The following UTP4 variants were observed in gnomAD, a reference collection of about 807,000 sequenced individuals.
UTP4 encodes U3 small nucleolar RNA-associated protein 4 homolog.
In UTP4, 45 loss-of-function variants were observed where a neutral mutation model predicts 82.4. The ratio of observed to expected loss-of-function variants is 0.55; its 90% CI spans 0.43 to 0.70. The LOEUF (loss-of-function observed/expected upper bound fraction) is 0.70, where lower values mean the gene tolerates loss of function less well. Among genes scored for constraint, UTP4 ranks in the 30% least tolerant of loss-of-function variants. The pLI, the probability that UTP4 is intolerant of heterozygous loss-of-function variation, is 0.00. For synonymous variants in UTP4, 348 were observed against 300.3 expected, an observed-to-expected ratio of 1.16 and a Z score of -1.64; for missense variants, 819 against 858.3, an observed-to-expected ratio of 0.95 and a Z score of 0.57.
chr16:69,157,289 T>C (rs2152282249), intron 12 of UTP4, 49 bp downstream of exon 12: 1 of 1,602,072 alleles, frequency 6.2e-7, no homozygotes, highest in Non-Finnish European at 8.5e-7. Context: ...GTCTAAGATG[T>C]AACTTTTTTG....
At chr16:69,165,788 C>T (rs1425691970) in intron 15 of UTP4, 16 of 580,600 alleles carry the variant, frequency 2.8e-5, no homozygotes, top group Non-Finnish European at 4.9e-5. Flanking sequence ...TATTTGTCTA[C>T]TTTGCGAGTA....
chr16:69,149,269 A>G (rs1382691834), intron 6 of UTP4, among the ~76,000 whole-genome samples: 1 of 151,994 alleles, frequency 6.6e-6, no homozygotes, highest in Non-Finnish European at 1.5e-5. Flanking sequence ...AATCCCAGCT[A>G]CTCAGGAGGC....
intron 2 of UTP4, 31 bp from the exon 3 acceptor site, chr16:69,136,665 G>A (rs3815821): frequency 0.061 from 97,749 of 1,611,490 alleles, 3,585 homozygotes; most frequent in African/African-American, 0.15. Context: ...TGAATTTGTG[G>A]TAATGTTGAG....
chr16:69,150,330 G>A (rs903614824), intron 6 of UTP4, among the ~76,000 whole-genome samples: 1 of 152,126 alleles, frequency 6.6e-6, no homozygotes, highest in African/African-American at 2.4e-5. Context: ...CGTTAATTTT[G>A]TCAGTAGGGG....
chr16:69,160,056 A>AT (rs1244798679), intron 12 of UTP4, among the ~76,000 whole-genome samples: 2 of 152,140 alleles, frequency 1.3e-5, no homozygotes, highest in Non-Finnish European at 2.9e-5. Flanking sequence ...TAAAGTATAT[A>AT]TTTTAGTGGC....
intron 13 of UTP4, 117 bp downstream of exon 13, chr16:69,160,579 T>C: frequency 2.7e-6 from 2 of 740,980 alleles, no homozygotes; most frequent in South Asian, 3.2e-5. Flanking sequence ...ACTTTTTTCT[T>C]TTTATTTTCT....
chr16:69,150,552 G>C lies in UTP4; in HGVS notation c.754G>C (p.Val252Leu). The C allele has an allele frequency of 6.2e-7, 1 of 1,614,194 alleles. No homozygotes were observed. The highest frequency in any genetic ancestry group is 8.5e-7 in the Non-Finnish European group (1 of 1,180,046). Residue 252 changes from valine to leucine, a missense_variant, in exon 7 of 17, where the codon GTG becomes CTG. Val to Leu is a conservative substitution (Grantham distance 32). Transcript: ENST00000314423. ...IAVADQEDSF[V>L]VGTAEGTVFH... ...AATTCCTCAGCAAGAAGACAGTTTC[G>C]TGGTGGGCACAGCCGAGGGAACAGT...
intron 13 of UTP4, among the ~76,000 whole-genome samples, chr16:69,161,789 G>A (rs1045398705): frequency 5.3e-5 from 8 of 152,116 alleles, no homozygotes; most frequent in Admixed American, 2.6e-4. Flanking sequence ...TCAGTGTCCT[G>A]AGTAGCTGGG....
chr16:69,141,102 T>G (rs973719131), intron 5 of UTP4, among the ~76,000 whole-genome samples: 3 of 152,338 alleles, frequency 2.0e-5, no homozygotes, highest in Admixed American at 6.5e-5. Flanking sequence ...ATAAATTAGG[T>G]TCAAGTCCAT....
intron 4 of UTP4, chr16:69,138,168 G>A: frequency 2.3e-6 from 1 of 428,784 alleles, no homozygotes; most frequent in Non-Finnish European, 4.2e-6. Context: ...CTTTTGTGAT[G>A]TTTTAACAAG....
intron 14 of UTP4, among the ~76,000 whole-genome samples, chr16:69,164,740 A>G (rs1963657822): frequency 6.6e-6 from 1 of 151,836 alleles, no homozygotes; most frequent in Non-Finnish European, 1.5e-5. Flanking sequence ...AGCAGAGTGG[A>G]TAAGTAAATC....
rs35834911 is a variant in UTP4, at chr16:69,151,625, CTT to C, written c.1002+734_1002+735del. 5.5e-3 allele frequency among the ~76,000 whole-genome samples: 804 copies of C among 145,202 alleles called. 4 individuals carry two copies. Among genetic ancestry groups the C allele is most frequent in the African/African-American group, 0.018 (731 of 39,826 alleles). ...GTGAGCCACTGTGCCCAGCCCCTGC[CTT>C]TTTTTTTTTTTTAACCATCTGGGAC... On this transcript the variant is annotated intron_variant, in intron 8 of 16. Transcript: ENST00000314423.
chr16:69,155,883 A>G lies in UTP4; in HGVS notation c.1177A>G (p.Ile393Val). The change falls in exon 11 of 17, where the codon ATT (isoleucine) becomes GTT (valine). Residue 393 changes from isoleucine to valine, a missense_variant. Coordinates refer to ENST00000314423, the MANE Select transcript of UTP4 (RefSeq NM_032830.3). ...CTGATATTGCCAGGGTCCTGAGAAC[A>G]TTATCTGTAGCTGTATCTCCCCATG... ...LHLKTKGPEN[I>V]ICSCISPCGS... 6.2e-7 allele frequency: 1 copy of G among 1,614,096 alleles called. No homozygotes were observed. Among genetic ancestry groups the G allele is most frequent in the Non-Finnish European group, 8.5e-7 (1 of 1,180,012 alleles).
At chr16:69,133,756 T>G (rs1962724092) in intron 2 of UTP4, 138 bp downstream of exon 2, 2 of 804,668 alleles carry the variant, frequency 2.5e-6, no homozygotes, top group South Asian at 2.9e-5. Context: ...ACCAAACTTC[T>G]GAGATCTCCT....
intron 15 of UTP4, 138 bp downstream of exon 15, chr16:69,165,664 C>T (rs963034020): frequency 2.6e-6 from 2 of 776,432 alleles, no homozygotes. Context: ...TAGTACATTT[C>T]TTGGAGGAGA....
At chr16:69,153,746 G>T in intron 9 of UTP4, 66 bp downstream of exon 9, 3 of 1,088,950 alleles carry the variant, frequency 2.8e-6, no homozygotes, top group Non-Finnish European at 4.2e-6. Context: ...CAGAATTGCG[G>T]TTGGAATTCT....
At position 69,160,429 on chromosome 16, in the gene UTP4, T is replaced by C. The variant is rs1963533474; in HGVS notation, c.1518T>C (p.Ala506=). 1.9e-6 allele frequency: 3 copies of C among 1,614,092 alleles called. No homozygotes were observed. The highest frequency in any genetic ancestry group is 2.7e-5 in the African/African-American group (2 of 75,028). The change falls in exon 13 of 17, where the codon GCT becomes GCC. Residue 506 remains alanine (A), a synonymous_variant. Coordinates refer to ENST00000314423, the MANE Select transcript of UTP4 (RefSeq NM_032830.3). ...GNWLAASGTS[A]GVHVYNVKQL... ...GGCTAGCTGCATCAGGTACCAGTGCTGGAGTCCATGTCTACAACGTAAAAC... is the reference window on the plus strand; with the variant it reads ...GGCTAGCTGCATCAGGTACCAGTGCCGGAGTCCATGTCTACAACGTAAAAC...
At position 69,150,891 on chromosome 16, in the gene UTP4, T is replaced by C. The variant is rs769247045; in HGVS notation, c.989T>C (p.Ile330Thr). 142 of 1,613,256 alleles carry C rather than the reference T, an allele frequency of 8.8e-5. No homozygotes were observed. The highest frequency in any genetic ancestry group is 1.2e-4 in the Non-Finnish European group (139 of 1,179,752). Residue 330 changes from isoleucine (I) to threonine (T), a missense_variant, in exon 8 of 17, where the codon ATC becomes ACC. By Grantham distance (89) the Ile-to-Thr change is moderately conservative. Transcript: ENST00000314423. ...VKNYDAALRK[I>T]TFPHRCLISC... ...AATTACGATGCCGCTCTCCGAAAAA[T>C]CACCTTTCCCCACGTAAGTGTCCAT...
intron 16 of UTP4, chr16:69,167,651 A>AG (rs1273817182): frequency 1.8e-5 from 3 of 166,724 alleles, no homozygotes; most frequent in Admixed American, 1.2e-4. Context: ...AAAAAAAAAA[A>AG]GGAGAGTTCT....
Sources: gnomAD v4.1 joint callset for allele counts (sites outside exome capture counted in the v4.1 genomes callset) on GRCh38, gnomAD v4.1.1 for gene constraint, MANE v1.5 for transcripts, NCBI Gene and HGNC (gene_info 2026-07-23, HGNC 2026-07-21) for gene names.